Variants in UBXN2A observed in about 807,000 individuals in gnomAD.
UBXN2A encodes the protein UBX domain protein 2A, also known as UBX domain-containing protein 2A.
A neutral mutation model predicts 28.4 loss-of-function variants in UBXN2A; 28 were observed. The ratio of observed to expected loss-of-function variants is 0.99; its 90% CI spans 0.73 to 1.35. The LOEUF (loss-of-function observed/expected upper bound fraction) is 1.35. Among genes scored for constraint, UBXN2A ranks in the 40% most tolerant of loss-of-function variants. The pLI, the probability that UBXN2A is intolerant of heterozygous loss-of-function variation, is 0.00. For synonymous variants in UBXN2A, 97 were observed against 103.6 expected (o/e 0.94, Z 0.39); for missense variants, 253 against 297.9 (o/e 0.85, Z 1.11).
Position 24,003,491 on chromosome 2 carries a change from A to G in UBXN2A, c.*3624A>G, listed in dbSNP as rs1371636040. 9 of 152,288 alleles carry G rather than the reference A, an allele frequency of 5.9e-5. No homozygotes were observed. In the South Asian group the frequency reaches 1.4e-3, roughly 25 times the overall value. 9.4% of individuals were successfully genotyped at this position (152,288 alleles called of 1,614,324 possible). On this transcript the variant is annotated 3_prime_UTR_variant, in exon 7 of 7. Transcript: ENST00000309033. ...AACTAGATGACCTGACATAAAATCTATCTTCTGATTGCAGTCTATTGTGAG... is the reference window on the plus strand; with the variant it reads ...AACTAGATGACCTGACATAAAATCTGTCTTCTGATTGCAGTCTATTGTGAG...
intron 2 of UBXN2A, among the ~76,000 whole-genome samples, chr2:23,970,145 A>G (rs1285367098): frequency 6.6e-6 from 1 of 151,880 alleles, no homozygotes; most frequent in East Asian, 1.9e-4. Context: ...TTAGCTGGAC[A>G]TGGTGGTTGG....
chr2:23,958,806 C>T (rs891639687), intron 2 of UBXN2A, among the ~76,000 whole-genome samples: 1 of 152,122 alleles, frequency 6.6e-6, no homozygotes, highest in African/African-American at 2.4e-5. Context: ...GATACAAATA[C>T]CTACCTATCT....
At chr2:23,941,031 C>T (rs1404152648) in intron 1 of UBXN2A, among the ~76,000 whole-genome samples, 6 of 152,198 alleles carry the variant, frequency 3.9e-5, no homozygotes, top group Admixed American at 6.5e-5. Context: ...ACAAAGTATG[C>T]CTATTAGTGA....
intron 1 of UBXN2A, 96 bp from the exon 2 acceptor site, chr2:23,958,205 A>T: frequency 1.2e-6 from 1 of 842,862 alleles, no homozygotes; most frequent in Non-Finnish European, 1.7e-6. Flanking sequence ...CTTTTTCTTT[A>T]GACACTTTTA....
At chr2:23,947,251 C>T (rs1706132600) in intron 1 of UBXN2A, among the ~76,000 whole-genome samples, 1 of 152,194 alleles carries the variant, frequency 6.6e-6, no homozygotes, top group Non-Finnish European at 1.5e-5. Context: ...CTGGCCTTTC[C>T]TGTTAGTGGA....
intron 1 of UBXN2A, among the ~76,000 whole-genome samples, chr2:23,945,892 A>G (rs1202540649): frequency 5.4e-5 from 8 of 149,272 alleles, no homozygotes; most frequent in African/African-American, 2.5e-5. Flanking sequence ...GTACAGTGGC[A>G]TGATCTCAGC....
chr2:23,960,266 A>C (rs964620670), intron 2 of UBXN2A, among the ~76,000 whole-genome samples: 1 of 151,962 alleles, frequency 6.6e-6, no homozygotes, highest in Non-Finnish European at 1.5e-5. Context: ...AAAAAAAAAC[A>C]AAAAAACAGA....
At chr2:23,952,200 C>G (rs1706405640) in intron 1 of UBXN2A, among the ~76,000 whole-genome samples, 1 of 151,582 alleles carries the variant, frequency 6.6e-6, no homozygotes, top group African/African-American at 2.4e-5. Context: ...CTCCTGACCT[C>G]AGGTGATCCA....
intron 4 of UBXN2A, among the ~76,000 whole-genome samples, chr2:23,982,150 G>C (rs1707935246): frequency 1.3e-5 from 2 of 149,304 alleles, no homozygotes; most frequent in Non-Finnish European, 3.0e-5. Flanking sequence ...ACAAGGTCAG[G>C]AGATCGAGAC....
intron 1 of UBXN2A, among the ~76,000 whole-genome samples, chr2:23,949,979 C>T (rs1706281712): frequency 6.6e-6 from 1 of 151,764 alleles, no homozygotes; most frequent in African/African-American, 2.4e-5. Context: ...GTATCCATCA[C>T]TGGAATAATT....
chr2:23,949,511 G>A (rs567551389), intron 1 of UBXN2A, among the ~76,000 whole-genome samples: 2 of 151,962 alleles, frequency 1.3e-5, no homozygotes, highest in South Asian at 2.1e-4. Context: ...GGTAGAGGTT[G>A]CACTCCAGCC....
intron 4 of UBXN2A, among the ~76,000 whole-genome samples, chr2:23,979,726 G>T (rs1193593543): frequency 6.6e-6 from 1 of 151,896 alleles, no homozygotes; most frequent in Non-Finnish European, 1.5e-5. Flanking sequence ...ATGTCACCAT[G>T]CCCAGCTAAT....
intron 1 of UBXN2A, among the ~76,000 whole-genome samples, chr2:23,942,851 G>A (rs566310812): frequency 6.6e-6 from 1 of 151,738 alleles, no homozygotes; most frequent in Non-Finnish European, 1.5e-5. Context: ...GAACTCTCCC[G>A]TAATATTACC....
chr2:23,938,540 GT>G (rs1331079862), upstream of UBXN2A, among the ~76,000 whole-genome samples: 5 of 147,164 alleles, frequency 3.4e-5, no homozygotes, highest in Admixed American at 1.4e-4. Flanking sequence ...CAAAATCCCA[GT>G]GGCCCCCCCC....
chr2:23,947,957 T>C (rs1407378779), intron 1 of UBXN2A, among the ~76,000 whole-genome samples: 5 of 151,784 alleles, frequency 3.3e-5, no homozygotes, highest in African/African-American at 1.2e-4. Flanking sequence ...CAGCTTCAAG[T>C]GATTCTCCTG....
At chr2:23,935,946 A>C (rs989092933), upstream of UBXN2A, among the ~76,000 whole-genome samples, 1 of 152,098 alleles carries the variant, frequency 6.6e-6, no homozygotes, top group Non-Finnish European at 1.5e-5. Context: ...AGCCAGTCAG[A>C]AAAGCTGAGG....
chr2:23,951,346 T>C (rs566048957), intron 1 of UBXN2A, among the ~76,000 whole-genome samples: 1 of 149,078 alleles, frequency 6.7e-6, no homozygotes, highest in South Asian at 2.1e-4. Flanking sequence ...TAGTAGGTGC[T>C]GAATAAGTAT....
At chr2:23,957,388 T>C (rs577971376) in intron 1 of UBXN2A, among the ~76,000 whole-genome samples, 1 of 152,262 alleles carries the variant, frequency 6.6e-6, no homozygotes, top group Admixed American at 6.5e-5. Context: ...CTGCAACCTC[T>C]GCCTCCCAGG....
At position 23,997,438 on chromosome 2, in the gene UBXN2A, CTTTATTTATTTATT is replaced by C. The variant is rs574115915; in HGVS notation, c.585-2216_585-2203del. On this transcript the variant is annotated intron_variant, in intron 6 of 6. Transcript: ENST00000309033. ...TTTAAGAATGTCAACAGTCTAAAGC[CTTTATTTATTTATT>C]TTTATTTATTTATTTTTGAGACGGA... is the stretch of plus-strand genomic sequence containing the variant. 5.3e-5 allele frequency among the ~76,000 whole-genome samples: 8 copies of C among 152,090 alleles called. No individual in the cohort carries two copies. The South Asian group carries it at 1.2e-3, about 24-fold the overall frequency.
Sources: gnomAD v4.1 joint callset for allele counts (sites outside exome capture counted in the v4.1 genomes callset) on GRCh38, gnomAD v4.1.1 for gene constraint, MANE v1.5 for transcripts, NCBI Gene and HGNC (gene_info 2026-07-23, HGNC 2026-07-21) for gene names.